Variants in ZNF69 observed in about 807,000 individuals in gnomAD.
ZNF69 encodes the protein ZNF3.
A neutral mutation model predicts 50.9 loss-of-function variants in ZNF69; 47 were observed. The observed-to-expected ratio is 0.92, with a 90% CI of 0.73 to 1.18. The LOEUF (loss-of-function observed/expected upper bound fraction) is 1.18, where lower values mean the gene tolerates loss of function less well. Among genes scored for constraint, ZNF69 ranks in the 50% most tolerant of loss-of-function variants. ZNF69 has a pLI of 0.00. For synonymous variants in ZNF69, 216 were observed against 223.1 expected (o/e 0.97, Z 0.29); for missense variants, 717 against 675.1 (o/e 1.06, Z -0.69).
chr19:11,905,415 G>A lies in ZNF69; in HGVS notation c.1018G>A (p.Ala340Thr). 1 of 1,614,198 alleles carries A rather than the reference G, an allele frequency of 6.2e-7. No individual in the cohort carries two copies. The highest frequency in any genetic ancestry group is 8.5e-7 in the Non-Finnish European group (1 of 1,180,036). ...KPYECTQCGK[A>T]LSSLTSFQTH... ...CTATGAATGTACGCAGTGTGGGAAA[G>A]CATTATCCTCTCTTACAAGTTTTCA... is the stretch of plus-strand genomic sequence containing the variant. Residue 340 changes from alanine (A) to threonine (T), a missense_variant, in exon 4 of 4, where the codon GCA becomes ACA. Ala to Thr is a moderately conservative substitution (Grantham distance 58). Coordinates refer to ENST00000429654, the MANE Select transcript of ZNF69 (RefSeq NM_001364730.1).
chr19:11,976,864 A>G, the ZNF69 span: 1 of 1,455,638 alleles, frequency 6.9e-7, no homozygotes, highest in Middle Eastern at 2.6e-4. Context: ...TCCATCTCAA[A>G]ACAACAACAA....
the ZNF69 span, among the ~76,000 whole-genome samples, chr19:11,974,190 C>CTCTCTTTTTTTTGTTT: frequency 2.4e-5 from 1 of 41,142 alleles, no homozygotes; most frequent in African/African-American, 8.0e-5. Context: ...TTCTTTCTTT[C>CTCTCTTTTTTTTGTTT]TTTCTCTCTT....
At chr19:11,925,095 G>C in the ZNF69 span, 1 of 1,192,784 alleles carries the variant, frequency 8.4e-7, no homozygotes, top group Non-Finnish European at 1.2e-6. Flanking sequence ...CGGAAATGGA[G>C]GGGGTCGCTT....
the ZNF69 span, chr19:11,978,756 C>T: frequency 1.2e-6 from 2 of 1,613,992 alleles, no homozygotes; most frequent in Non-Finnish European, 1.7e-6. Context: ...TAAAAGAACC[C>T]ACACTGGGGG....
chr19:11,961,751 G>C, the ZNF69 span: 1 of 152,116 alleles, frequency 6.6e-6, no homozygotes. Flanking sequence ...GAGTAGCTGG[G>C]ATTACAGGTG....
chr19:11,902,364 G>A (rs562559017), intron 1 of ZNF69, among the ~76,000 whole-genome samples: 35 of 152,172 alleles, frequency 2.3e-4, no homozygotes, highest in Non-Finnish European at 4.6e-4. Flanking sequence ...AGCCATCAGT[G>A]GATATGTGGG....
the ZNF69 span, among the ~76,000 whole-genome samples, chr19:11,970,177 G>A: frequency 2.0e-5 from 3 of 152,230 alleles, no homozygotes; most frequent in Admixed American, 2.0e-4. Flanking sequence ...CCAATCGGAT[G>A]TTGCTAATGA....
At chr19:11,949,265 G>C in the ZNF69 span, 3 of 1,614,142 alleles carry the variant, frequency 1.9e-6, no homozygotes, top group South Asian at 3.3e-5. Flanking sequence ...ATTCACACTG[G>C]AGAGAAACCC....
At chr19:11,975,091 T>C in the ZNF69 span, among the ~76,000 whole-genome samples, 1 of 152,098 alleles carries the variant, frequency 6.6e-6, no homozygotes, top group African/African-American at 2.4e-5. Flanking sequence ...GCCAAGATGT[T>C]ATTTTCTTTT....
At chr19:11,949,590 A>G in the ZNF69 span, 4 of 1,612,496 alleles carry the variant, frequency 2.5e-6, no homozygotes, top group Non-Finnish European at 2.5e-6. Context: ...CTGCCAAGTC[A>G]TTTCAAACAC....
the ZNF69 span, among the ~76,000 whole-genome samples, chr19:11,974,122 TTTCTTTTC>T: frequency 0.01 from 608 of 60,052 alleles, 3 homozygotes; most frequent in Admixed American, 0.016. Flanking sequence ...TCTTTCTTTC[TTTCTTTTC>T]TTTCTTTCTT....
At chr19:11,937,470 G>C in the ZNF69 span, among the ~76,000 whole-genome samples, 1 of 150,268 alleles carries the variant, frequency 6.7e-6, no homozygotes, top group Admixed American at 6.6e-5. Context: ...CTTTATAGTA[G>C]ATTTTTCTTT....
chr19:11,905,449 T>G lies in ZNF69; in HGVS notation c.1052T>G (p.Ile351Arg). Residue 351 changes from isoleucine to arginine, a missense_variant, in exon 4 of 4, where the codon ATA becomes AGA. Coordinates refer to ENST00000429654, the MANE Select transcript of ZNF69 (RefSeq NM_001364730.1). ...TCTCTTACAAGTTTTCAAACACACATAAGAATGCACTCTGGAGAAAGACCT... is the reference window on the plus strand; with the variant it reads ...TCTCTTACAAGTTTTCAAACACACAGAAGAATGCACTCTGGAGAAAGACCT... ...LSSLTSFQTH[I>R]RMHSGERPYE... 1.2e-6 allele frequency: 2 copies of G among 1,614,182 alleles called. No homozygotes were observed. Among genetic ancestry groups the G allele is most frequent in the South Asian group, 2.2e-5 (2 of 91,080 alleles).
At chr19:11,979,050 G>A in the ZNF69 span, 1 of 1,614,228 alleles carries the variant, frequency 6.2e-7, no homozygotes, top group Non-Finnish European at 8.5e-7. Context: ...GTGTGGGAAA[G>A]CATTATCTTA....
chr19:11,979,831 C>T, the ZNF69 span: 1 of 1,556,090 alleles, frequency 6.4e-7, no homozygotes, highest in Non-Finnish European at 8.8e-7. Flanking sequence ...TCAGATCTGC[C>T]AAGAACCTTC....
downstream of ZNF69, among the ~76,000 whole-genome samples, chr19:11,916,795 A>C (rs115849628): frequency 6.6e-6 from 1 of 151,948 alleles, no homozygotes; most frequent in African/African-American, 2.4e-5. Flanking sequence ...ACGTAGCACC[A>C]TCTAAGTCAT....
In ZNF69 at chr19:11,903,900, T is replaced by G. The variant is rs777920626; in HGVS notation, c.191-5T>G. 1.5e-5 allele frequency: 25 copies of G among 1,613,184 alleles called. No homozygotes were observed. The highest frequency in any genetic ancestry group is 1.6e-4 in the Middle Eastern group (1 of 6,084). ...CAGGACTATTTTTCTGTGTCTATAT[T>G]TTAGGAAAAAGTTGGAAAGACCAGA... On this transcript the variant is annotated splice_polypyrimidine_tract_variant and splice_region_variant and intron_variant, in intron 2 of 3. Coordinates refer to ENST00000429654, the MANE Select transcript of ZNF69 (RefSeq NM_001364730.1).
At chr19:11,964,272 G>A in the ZNF69 span, among the ~76,000 whole-genome samples, 113 of 152,340 alleles carry the variant, frequency 7.4e-4, 1 homozygote, top group East Asian at 0.021. Context: ...CGCCTTTGTG[G>A]GGTTCTGTCC....
chr19:11,947,138 G>C, the ZNF69 span: 2 of 1,602,682 alleles, frequency 1.2e-6, no homozygotes, highest in Non-Finnish European at 1.7e-6. Flanking sequence ...CTCCAGTGCT[G>C]TCACTCTCAC....
Sources: allele counts gnomAD v4.1 joint callset (sites outside exome capture counted in the v4.1 genomes callset), GRCh38; gene constraint gnomAD v4.1.1; transcripts MANE v1.5; gene names NCBI Gene and HGNC (gene_info 2026-07-23, HGNC 2026-07-21).